Variants in UGT3A2 observed in about 807,000 individuals in gnomAD.
The protein encoded by UGT3A2 is UDP-glycosyltransferase 3A2.
A neutral mutation model predicts 39.8 loss-of-function variants in UGT3A2; 32 were observed. That is an observed-to-expected ratio of 0.80 (90% CI 0.61 to 1.08). The LOEUF (loss-of-function observed/expected upper bound fraction) is 1.08, where lower values mean the gene tolerates loss of function less well. Among genes scored for constraint, UGT3A2 ranks in the 50% least tolerant of loss-of-function variants. The pLI is 0.00. For missense variants in UGT3A2, 611 were observed against 637.1 expected, an observed-to-expected ratio of 0.96 and a Z score of 0.44; for synonymous variants, 241 against 230.7, an observed-to-expected ratio of 1.04 and a Z score of -0.40.
intron 2 of UGT3A2, among the ~76,000 whole-genome samples, chr5:36,052,736 T>C (rs1742386775): frequency 6.6e-6 from 1 of 151,888 alleles, no homozygotes; most frequent in African/African-American, 2.4e-5. Flanking sequence ...CCTGCTATTC[T>C]GAAAAAAAGA....
chr5:36,037,699 G>T, intron 6 of UGT3A2, 98 bp downstream of exon 6: 2 of 1,318,472 alleles, frequency 1.5e-6, no homozygotes, highest in Non-Finnish European at 1.1e-6. Context: ...TTAATCTAAA[G>T]CAAAACAAAA....
intron 2 of UGT3A2, 44 bp downstream of exon 2, chr5:36,064,205 C>A (rs751188764): frequency 3.4e-5 from 53 of 1,546,926 alleles, no homozygotes; most frequent in Non-Finnish European, 4.5e-5. Context: ...GCATTTTGCT[C>A]TTTGCTTGGA....
Position 36,049,014 on chromosome 5 carries a change from G to C in UGT3A2, c.718C>G (p.Leu240Val). 1 of 1,614,152 alleles carries C rather than the reference G, an allele frequency of 6.2e-7. No individual in the cohort carries two copies. Residue 240 changes from leucine to valine, a missense_variant, in exon 4 of 7, where the codon CTT becomes GTT. Transcript: ENST00000282507. ...TEGSRPVLSHLLLKAELWFIN... is the reference protein window; with the variant it reads ...TEGSRPVLSHVLLKAELWFIN... ...AACCACAACTCTGCTTTCAGTAGAA[G>C]ATGAGACAAAACTGGCCTAGAGCCT...
In UGT3A2 at chr5:36,065,816, A is replaced by G. The variant is rs553815317; in HGVS notation, c.94+880T>C. Among the ~76,000 whole-genome samples, 16 of 152,242 alleles carry G rather than the reference A, an allele frequency of 1.1e-4. 1 individual carries two copies. In the South Asian group the frequency reaches 3.3e-3, roughly 32 times the overall value. Reference sequence around the variant, plus strand: ...CTCTCAGGAAATGAAAATGGGCACTAAATTAGATGATCTGTGGTTCTTCCC... The same window carrying G: ...CTCTCAGGAAATGAAAATGGGCACTGAATTAGATGATCTGTGGTTCTTCCC... On this transcript the variant is annotated intron_variant, in intron 1 of 6. Transcript: ENST00000282507.
chr5:36,043,290 A>G (rs145928030), intron 4 of UGT3A2, among the ~76,000 whole-genome samples: 4 of 152,120 alleles, frequency 2.6e-5, no homozygotes, highest in Non-Finnish European at 4.4e-5. Flanking sequence ...CCAGTAGGTC[A>G]ATGAAGTAAT....
rs185386564 is a variant in UGT3A2 at position 36,037,342 on chromosome 5, C to T, written c.1295+455G>A. ...AGAAGTTACTCAGGACTGTCAGAGG[C>T]GAACTCTAAGAAGAAATGAGTTGGA... On this transcript the variant is annotated intron_variant, in intron 6 of 6. Transcript: ENST00000282507. Among the ~76,000 whole-genome samples the T allele has an allele frequency of 3.1e-4, 47 of 152,172 alleles. No homozygotes were observed. In the East Asian group the frequency reaches 6.9e-3, roughly 22 times the overall value.
At chr5:36,052,682 C>T (rs1289316524) in intron 2 of UGT3A2, among the ~76,000 whole-genome samples, 1 of 152,202 alleles carries the variant, frequency 6.6e-6, no homozygotes, top group South Asian at 2.1e-4. Flanking sequence ...AGTCATCCCT[C>T]CCTGCTCTCT....
chr5:36,039,303 T>C (rs745444052), intron 5 of UGT3A2, among the ~76,000 whole-genome samples, 174 bp downstream of exon 5: 9 of 152,182 alleles, frequency 5.9e-5, no homozygotes, highest in Non-Finnish European at 8.8e-5. Context: ...TCTGATCCCA[T>C]TGGAAGTATA....
intron 6 of UGT3A2, 38 bp from the exon 7 acceptor site, chr5:36,036,012 A>C (rs907749816): frequency 8.1e-6 from 13 of 1,599,874 alleles, no homozygotes; most frequent in Non-Finnish European, 1.1e-5. Context: ...TACTAATGTG[A>C]CCTCACAAGA....
intron 4 of UGT3A2, among the ~76,000 whole-genome samples, chr5:36,041,633 C>A (rs775674064): frequency 8.5e-5 from 13 of 152,176 alleles, no homozygotes; most frequent in African/African-American, 1.2e-4. Context: ...TTACCTAAGA[C>A]CACCAAGGTG....
intron 2 of UGT3A2, among the ~76,000 whole-genome samples, chr5:36,057,200 G>A (rs1219458305): frequency 6.6e-6 from 1 of 152,206 alleles, no homozygotes. Context: ...AACAGTATGG[G>A]AAAGTGTTTC....
intron 2 of UGT3A2, among the ~76,000 whole-genome samples, chr5:36,062,558 T>C (rs1189292464): frequency 1.3e-5 from 2 of 151,672 alleles, no homozygotes; most frequent in South Asian, 2.1e-4. Flanking sequence ...GTTGTAGATA[T>C]GCGGCGTTAT....
At chr5:36,063,899 G>A (rs1742795004) in intron 2 of UGT3A2, among the ~76,000 whole-genome samples, 1 of 152,196 alleles carries the variant, frequency 6.6e-6, no homozygotes, top group South Asian at 2.1e-4. Context: ...GCCTCCTAAA[G>A]TGCTGGGATT....
At chr5:36,060,923 A>C in intron 2 of UGT3A2, among the ~76,000 whole-genome samples, 1 of 152,222 alleles carries the variant, frequency 6.6e-6, no homozygotes, top group African/African-American at 2.4e-5. Context: ...TGGAAGGCCA[A>C]GGCAGGCAGA....
chr5:36,056,179 CTTGTAGTTATCAAGAATAACTGCAGAAA>C (rs887780220), intron 2 of UGT3A2, among the ~76,000 whole-genome samples: 10 of 152,182 alleles, frequency 6.6e-5, no homozygotes, highest in African/African-American at 2.4e-4. Context: ...CTGCTTGTCA[CTTGTAGTTATCAAGAATAACTGCAGAAA>C]GTGCTGGAAA....
At chr5:36,061,326 G>C (rs1253754724) in intron 2 of UGT3A2, among the ~76,000 whole-genome samples, 5 of 151,558 alleles carry the variant, frequency 3.3e-5, no homozygotes, top group African/African-American at 1.2e-4. Flanking sequence ...TGCCATGCTG[G>C]TGCACTGCAC....
chr5:36,057,139 C>T (rs960085364), intron 2 of UGT3A2, among the ~76,000 whole-genome samples: 1 of 152,186 alleles, frequency 6.6e-6, no homozygotes, highest in South Asian at 2.1e-4. Context: ...TATTAGAAAC[C>T]TTTGCTTCTT....
intron 2 of UGT3A2, among the ~76,000 whole-genome samples, chr5:36,058,944 C>T (rs1742599666): frequency 6.6e-6 from 1 of 151,640 alleles, no homozygotes; most frequent in Non-Finnish European, 1.5e-5. Context: ...AAGAGACCTG[C>T]AGGGACCTGA....
At chr5:36,045,782 A>C (rs140419709) in intron 4 of UGT3A2, among the ~76,000 whole-genome samples, 23 of 152,294 alleles carry the variant, frequency 1.5e-4, no homozygotes, top group African/African-American at 5.3e-4. Context: ...ATGAGATCAC[A>C]TCAAGTTAGA....
Sources: allele counts gnomAD v4.1 joint callset (sites outside exome capture counted in the v4.1 genomes callset), GRCh38; gene constraint gnomAD v4.1.1; transcripts MANE v1.5; gene names NCBI Gene and HGNC (gene_info 2026-07-23, HGNC 2026-07-21).